Variants in ZBTB40 observed in about 807,000 individuals in gnomAD.
ZBTB40 encodes zinc finger and BTB domain containing 40.
In ZBTB40, 60 loss-of-function variants were observed where a neutral mutation model predicts 117.5. The ratio of observed to expected loss-of-function variants is 0.51; its 90% CI spans 0.41 to 0.63. The LOEUF (loss-of-function observed/expected upper bound fraction) is 0.63, where lower values mean the gene tolerates loss of function less well. ZBTB40 is among the 30% of genes least tolerant of loss of function. The pLI is 0.00. For synonymous variants in ZBTB40, 525 were observed against 577.1 expected (o/e 0.91, Z 1.29); for missense variants, 1,287 against 1,498.5 (o/e 0.86, Z 2.33).
intron 1 of ZBTB40, among the ~76,000 whole-genome samples, chr1:22,467,852 G>A (rs888720503): frequency 1.3e-5 from 2 of 150,814 alleles, no homozygotes; most frequent in African/African-American, 4.9e-5. Flanking sequence ...CCAGCACCTT[G>A]GGAGGCCAAG....
intron 1 of ZBTB40, among the ~76,000 whole-genome samples, chr1:22,458,214 A>G (rs1431265387): frequency 6.6e-6 from 1 of 152,174 alleles, no homozygotes; most frequent in African/African-American, 2.4e-5. Context: ...TATTTGGTAC[A>G]CTGTTACCAG....
chr1:22,515,233 A>G (rs1419786711), intron 12 of ZBTB40, among the ~76,000 whole-genome samples: 1 of 152,226 alleles, frequency 6.6e-6, no homozygotes, highest in Non-Finnish European at 1.5e-5. Flanking sequence ...ACAGAAAACT[A>G]GAAGGGGCTA....
chr1:22,456,325 ATGT>A (rs760450971), intron 1 of ZBTB40, among the ~76,000 whole-genome samples: 4 of 152,258 alleles, frequency 2.6e-5, no homozygotes, highest in East Asian at 3.9e-4. Flanking sequence ...CATTTCCCTA[ATGT>A]TGTTATTTAA....
At chr1:22,519,712 G>T (rs1224832099) in intron 13 of ZBTB40, 63 of 355,078 alleles carry the variant, frequency 1.8e-4, no homozygotes, top group South Asian at 1.0e-3. Flanking sequence ...GAAAACTCCA[G>T]AATGCCCACT....
At position 22,527,863 on chromosome 1, in the gene ZBTB40, C is replaced by T. The variant is rs912792609; in HGVS notation, c.*1467C>T. ...GACCAGCACGCCCACTGACTGGCATCTGCCGGCTTTGTGCAGGCAGCCCCG... is the reference window on the plus strand; with the variant it reads ...GACCAGCACGCCCACTGACTGGCATTTGCCGGCTTTGTGCAGGCAGCCCCG... On this transcript the variant is annotated 3_prime_UTR_variant, in exon 18 of 18. Transcript: ENST00000375647. 6.6e-6 allele frequency: 1 copy of T among 152,484 alleles called. No individual in the cohort carries two copies. The highest frequency in any genetic ancestry group is 1.5e-5 in the Non-Finnish European group (1 of 68,102). 9.4% of individuals were successfully genotyped at this position (152,484 alleles called of 1,614,324 possible).
At chr1:22,500,392 C>T (rs1013739875) in intron 3 of ZBTB40, among the ~76,000 whole-genome samples, 2 of 152,078 alleles carry the variant, frequency 1.3e-5, no homozygotes, top group Non-Finnish European at 2.9e-5. Context: ...GTTAGAGCTG[C>T]TTTTCAGAGA....
In ZBTB40 at chr1:22,513,434, A is replaced by C. The variant is rs1639294217; in HGVS notation, c.2668+304A>C. ...GAATATATACACCTACTGTGTACCC[A>C]CAAAAGTTAAGTATCAAAAAAAAAA... On this transcript the variant is annotated intron_variant, in intron 12 of 17. Transcript: ENST00000375647. The surrounding 1 kb of genome is among the most constrained non-coding windows in gnomAD (Gnocchi z 4.9). Among the ~76,000 whole-genome samples, 1 of 152,082 alleles carries C rather than the reference A, an allele frequency of 6.6e-6. No homozygotes were observed. The highest frequency in any genetic ancestry group is 1.5e-5 in the Non-Finnish European group (1 of 68,032).
intron 1 of ZBTB40, among the ~76,000 whole-genome samples, chr1:22,452,283 G>A (rs1287212294): frequency 6.6e-6 from 1 of 152,144 alleles, no homozygotes; most frequent in African/African-American, 2.4e-5. Flanking sequence ...GCTCGCTGTC[G>A]CCCCGCACCT....
chr1:22,491,256 G>A lies in ZBTB40; in HGVS notation c.698-144G>A, dbSNP rs970833808. 6.1e-6 allele frequency: 5 copies of A among 813,456 alleles called. No homozygotes were observed. The African/African-American group carries it at 8.6e-5, about 14-fold the overall frequency. 50.4% of individuals were successfully genotyped at this position (813,456 alleles called of 1,614,324 possible). A position where few individuals can be genotyped will look rare whatever the true frequency, so the allele number is the denominator to read the frequency against. ...AAAGGAGGAAGCTGTGAGAGATACT[G>A]TTGTCTGTTATTCATAACTGATGTG... On this transcript the variant is annotated intron_variant, in intron 2 of 17. Transcript: ENST00000375647.
intron 1 of ZBTB40, among the ~76,000 whole-genome samples, chr1:22,479,042 T>C (rs1192811890): frequency 1.3e-5 from 2 of 152,256 alleles, no homozygotes; most frequent in Admixed American, 6.5e-5. Context: ...TTGGATCATA[T>C]AGTATGTACT....
At chr1:22,505,941 T>G in intron 5 of ZBTB40, 108 bp from the exon 6 acceptor site, 1 of 1,115,674 alleles carries the variant, frequency 9.0e-7, no homozygotes. Context: ...GAAGAGGACT[T>G]GGAGATCAGG....
At chr1:22,469,412 T>G (rs1641345118) in intron 1 of ZBTB40, among the ~76,000 whole-genome samples, 1 of 152,176 alleles carries the variant, frequency 6.6e-6, no homozygotes, top group Non-Finnish European at 1.5e-5. Context: ...CTTGGCCTCC[T>G]GGCCTCAAGC....
intron 1 of ZBTB40, among the ~76,000 whole-genome samples, chr1:22,441,473 C>CTTTTTTTTTTTTTTTT (rs71020419): frequency 1.4e-4 from 10 of 73,718 alleles, no homozygotes; most frequent in East Asian, 5.2e-4. Flanking sequence ...TATTTGCTTT[C>CTTTTTTTTTTTTTTTT]TTTTTTTTTT....
At chr1:22,522,913 C>T (rs972175315) in intron 16 of ZBTB40, among the ~76,000 whole-genome samples, 2 of 148,480 alleles carry the variant, frequency 1.3e-5, no homozygotes, top group Non-Finnish European at 3.0e-5. Context: ...ATTACAGGTG[C>T]CTGCCACCAT....
chr1:22,515,343 T>G (rs1486626281), intron 12 of ZBTB40, among the ~76,000 whole-genome samples: 1 of 152,092 alleles, frequency 6.6e-6, no homozygotes, highest in Non-Finnish European at 1.5e-5. Context: ...GGACTTTTGG[T>G]TTTTATGTGA....
At chr1:22,525,946 A>G (rs1341300456) in intron 17 of ZBTB40, among the ~76,000 whole-genome samples, 1 of 152,240 alleles carries the variant, frequency 6.6e-6, no homozygotes, top group Non-Finnish European at 1.5e-5. Context: ...GTGTATAATC[A>G]TAGAGTCCGG....
At chr1:22,474,886 G>A (rs565949116) in intron 1 of ZBTB40, among the ~76,000 whole-genome samples, 1 of 151,280 alleles carries the variant, frequency 6.6e-6, no homozygotes, top group Admixed American at 6.6e-5. Context: ...CAGAGCCCAG[G>A]CCTCAAAATA....
At chr1:22,514,574 C>G (rs209723) in intron 12 of ZBTB40, among the ~76,000 whole-genome samples, 1 of 151,964 alleles carries the variant, frequency 6.6e-6, no homozygotes, top group Non-Finnish European at 1.5e-5. Flanking sequence ...AGACATCTCA[C>G]GTTTCACTTC....
At chr1:22,473,153 G>A (rs1641452385) in intron 1 of ZBTB40, among the ~76,000 whole-genome samples, 1 of 152,160 alleles carries the variant, frequency 6.6e-6, no homozygotes, top group African/African-American at 2.4e-5. Context: ...ACTCAGAGAT[G>A]GTTCCTTGGA....
Sources: gnomAD v4.1 joint callset for allele counts (sites outside exome capture counted in the v4.1 genomes callset) on GRCh38, gnomAD v4.1.1 for gene constraint, Gnocchi (gnomAD v3.1) non-coding constraint, MANE v1.5 for transcripts, NCBI Gene and HGNC (gene_info 2026-07-23, HGNC 2026-07-21) for gene names.